TCEANC2: variants seen among roughly 807,000 people sequenced by gnomAD.
TCEANC2 encodes the protein transcription elongation factor A N-terminal and central domain-containing protein 2.
TCEANC2 carries 20 observed loss-of-function variants against 22.8 expected under a neutral mutation model. The ratio of observed to expected loss-of-function variants is 0.88; its 90% CI spans 0.62 to 1.28. The LOEUF (loss-of-function observed/expected upper bound fraction) is 1.28, where lower values mean the gene tolerates loss of function less well. Among genes scored for constraint, TCEANC2 ranks in the 50% most tolerant of loss-of-function variants. The pLI is 0.00. For synonymous variants in TCEANC2, 84 were observed against 95.5 expected, an observed-to-expected ratio of 0.88 and a Z score of 0.70; for missense variants, 251 against 249.7, an observed-to-expected ratio of 1.01 and a Z score of -0.03.
At chr1:54,065,602 C>G (rs1657939645) in intron 2 of TCEANC2, among the ~76,000 whole-genome samples, 1 of 151,964 alleles carries the variant, frequency 6.6e-6, no homozygotes. Context: ...CCTGTGGTCC[C>G]AGCTACTTGG....
intron 2 of TCEANC2, among the ~76,000 whole-genome samples, chr1:54,063,453 A>G (rs1657893891): frequency 6.6e-6 from 1 of 152,192 alleles, no homozygotes; most frequent in Admixed American, 6.5e-5. Context: ...ACTAATGCTC[A>G]TGTCTGTTAT....
chr1:54,074,767 C>T (rs1042855339), intron 3 of TCEANC2, among the ~76,000 whole-genome samples: 6 of 152,010 alleles, frequency 3.9e-5, no homozygotes, highest in African/African-American at 1.2e-4. Flanking sequence ...TACTTAGGAC[C>T]GTTTCAAAAG....
intron 2 of TCEANC2, among the ~76,000 whole-genome samples, chr1:54,063,156 T>C (rs1171714287): frequency 6.6e-6 from 1 of 152,116 alleles, no homozygotes; most frequent in Non-Finnish European, 1.5e-5. Context: ...GGATGGGAGA[T>C]AAGACCTCGG....
chr1:54,088,627 C>G lies in TCEANC2; in HGVS notation c.275C>G (p.Ser92Ter). 1 of 1,604,346 alleles carries G rather than the reference C, an allele frequency of 6.2e-7. No homozygotes were observed. The highest frequency in any genetic ancestry group is 1.1e-5 in the South Asian group (1 of 89,022). ...ACTGTGAACAAGATGCGTAAACACT[C>G]AGATTCAGAAGTGGCTTCTCTTGCC... is the stretch of plus-strand genomic sequence containing the variant. ...GHTVNKMRKH[S>*]DSEVASLARE... Residue 92 changes from serine to a stop codon, truncating the protein, a stop_gained, in exon 4 of 5, where the codon TCA (serine) becomes TGA (stop). Coordinates refer to ENST00000234827, the MANE Select transcript of TCEANC2 (RefSeq NM_153035.3). LOFTEE classifies it high-confidence loss of function.
At chr1:54,108,012 A>G (rs1658784799), downstream of TCEANC2, among the ~76,000 whole-genome samples, 1 of 152,222 alleles carries the variant, frequency 6.6e-6, no homozygotes, top group Non-Finnish European at 1.5e-5. Flanking sequence ...CTTAATGGTT[A>G]TCTTCTTTTA....
At chr1:54,107,618 G>T (rs886718597), downstream of TCEANC2, among the ~76,000 whole-genome samples, 1 of 151,960 alleles carries the variant, frequency 6.6e-6, no homozygotes, top group Admixed American at 6.6e-5. Flanking sequence ...TAATTTTTTT[G>T]ATAATTTATT....
At chr1:54,059,687 C>T (rs1276105602) in intron 2 of TCEANC2, among the ~76,000 whole-genome samples, 1 of 152,204 alleles carries the variant, frequency 6.6e-6, no homozygotes, top group Non-Finnish European at 1.5e-5. Flanking sequence ...CTCCAATCCA[C>T]TATGAATTCC....
chr1:54,063,614 G>GA (rs1657896801), intron 2 of TCEANC2, among the ~76,000 whole-genome samples: 1 of 152,156 alleles, frequency 6.6e-6, no homozygotes, highest in African/African-American at 2.4e-5. Flanking sequence ...GTACCCAAAG[G>GA]AAATGCTCAT....
chr1:54,068,566 C>T (rs1343854722), intron 2 of TCEANC2, among the ~76,000 whole-genome samples, 190 bp from the exon 3 acceptor site: 2 of 152,190 alleles, frequency 1.3e-5, no homozygotes, highest in African/African-American at 4.8e-5. Context: ...CACCTCTCTT[C>T]CTGATTTGCA....
Position 54,056,312 on chromosome 1 carries a change from C to CTTT in TCEANC2, c.102+1790_102+1792dup, listed in dbSNP as rs113892636. 6.9e-3 allele frequency among the ~76,000 whole-genome samples: 1,033 copies of CTTT among 149,658 alleles called. 13 individuals are homozygous for CTTT. The highest frequency in any genetic ancestry group is 0.024 in the African/African-American group (935 of 39,708). On this transcript the variant is annotated intron_variant, in intron 2 of 4. Coordinates refer to ENST00000234827, the MANE Select transcript of TCEANC2 (RefSeq NM_153035.3). Reference sequence around the variant, plus strand: ...CACCCATATTCTTTTCTTTTCTTTTCTTTTCTTTTTTTTTGAGACGGAGTT... The same window carrying CTTT: ...CACCCATATTCTTTTCTTTTCTTTTCTTTTTTTCTTTTTTTTTGAGACGGAGTT...
rs551744419 is a variant in TCEANC2, at chr1:54,088,904, C to T, written c.438+114C>T. The T allele has an allele frequency of 1.1e-4, 62 of 590,242 alleles. No homozygotes were observed. The South Asian group carries it at 1.6e-3, about 15-fold the overall frequency. The allele number at this position is 590,242 out of a possible 1,614,324, so 36.6% of individuals were successfully genotyped here. ...TGATTAGTAGGTGCTCTTGGTTAAA[C>T]GCCTCATAATTTCATAATTAAGATT... On this transcript the variant is annotated intron_variant, in intron 4 of 4. Coordinates refer to ENST00000234827, the MANE Select transcript of TCEANC2 (RefSeq NM_153035.3).
intron 4 of TCEANC2, chr1:54,089,723 A>G (rs576980992): frequency 3.0e-5 from 8 of 269,162 alleles, no homozygotes; most frequent in African/African-American, 1.3e-4. Flanking sequence ...TAGCCTTTCT[A>G]TCTCAATTTT....
In TCEANC2 at chr1:54,067,675, C is replaced by G. The variant is rs149931035; in HGVS notation, c.103-1081C>G. 3.3e-5 allele frequency among the ~76,000 whole-genome samples: 5 copies of G among 152,270 alleles called. No homozygotes were observed. In the East Asian group the frequency reaches 9.6e-4, roughly 29 times the overall value. Reference sequence around the variant, plus strand: ...GGGAAATCAAACACCCTTCTCCCACCATAGGCTTCTAGGCTGGAAGCAGAC... The same window carrying G: ...GGGAAATCAAACACCCTTCTCCCACGATAGGCTTCTAGGCTGGAAGCAGAC... On this transcript the variant is annotated intron_variant, in intron 2 of 4. Coordinates refer to ENST00000234827, the MANE Select transcript of TCEANC2 (RefSeq NM_153035.3).
At chr1:54,064,341 G>A (rs999398856) in intron 2 of TCEANC2, among the ~76,000 whole-genome samples, 5 of 152,214 alleles carry the variant, frequency 3.3e-5, no homozygotes, top group African/African-American at 1.2e-4. Flanking sequence ...AACAAATGGA[G>A]CAACGAAAGC....
rs761471378 is a variant in TCEANC2 at position 54,054,482 on chromosome 1, T to C, written c.60T>C (p.Ser20=). Residue 20 remains serine (S), a synonymous_variant, in exon 2 of 5, where the codon TCT becomes TCC. Coordinates refer to ENST00000234827, the MANE Select transcript of TCEANC2 (RefSeq NM_153035.3). ...RIQNSPQKKD[S]GGKVYKQATI... is the part of the protein sequence containing the mutation. Reference sequence around the variant, plus strand: ...AGAATAGCCCTCAGAAGAAAGATTCTGGAGGAAAGGTTTACAAGCAGGCCA... The same window carrying C: ...AGAATAGCCCTCAGAAGAAAGATTCCGGAGGAAAGGTTTACAAGCAGGCCA... The C allele has an allele frequency of 8.1e-6, 13 of 1,613,976 alleles. No individual in the cohort carries two copies. Among genetic ancestry groups the C allele is most frequent in the Non-Finnish European group, 1.1e-5 (13 of 1,179,962 alleles).
rs1658680707 is a variant in TCEANC2, at chr1:54,102,613, A to T, written c.*6140A>T. 6.6e-6 allele frequency: 1 copy of T among 152,312 alleles called. No individual in the cohort carries two copies. Among genetic ancestry groups the T allele is most frequent in the Admixed American group, 6.5e-5 (1 of 15,292 alleles). 9.4% of individuals were successfully genotyped at this position (152,312 alleles called of 1,614,324 possible). ...CAGGGCCAGAGGGCAGAAGATAGTT[A>T]CGTGAGCAGGTGGCCCAGACATCTA... On this transcript the variant is annotated 3_prime_UTR_variant, in exon 5 of 5. Transcript: ENST00000234827.
At chr1:54,089,967 G>T in intron 4 of TCEANC2, 2 of 722,274 alleles carry the variant, frequency 2.8e-6, no homozygotes, top group Non-Finnish European at 5.1e-6. Context: ...TGATAAATAT[G>T]GTAGTGCTGT....
downstream of TCEANC2, among the ~76,000 whole-genome samples, chr1:54,107,603 C>A (rs542259617): frequency 6.6e-6 from 1 of 152,040 alleles, no homozygotes; most frequent in Non-Finnish European, 1.5e-5. Flanking sequence ...CCCTTCTCTG[C>A]CATTTAATTT....
chr1:54,058,201 G>A (rs1657788309), intron 2 of TCEANC2, among the ~76,000 whole-genome samples: 1 of 152,066 alleles, frequency 6.6e-6, no homozygotes, highest in South Asian at 2.1e-4. Flanking sequence ...TGCTATTATT[G>A]TTATTATCAT....
Sources: gnomAD v4.1 joint callset for allele counts (sites outside exome capture counted in the v4.1 genomes callset) on GRCh38, gnomAD v4.1.1 for gene constraint, MANE v1.5 for transcripts, NCBI Gene and HGNC (gene_info 2026-07-23, HGNC 2026-07-21) for gene names.